ATP13A3: variants seen among roughly 807,000 people sequenced by gnomAD.
The protein encoded by ATP13A3 is polyamine-transporting ATPase 13A3.
In ATP13A3, 59 loss-of-function variants were observed where a neutral mutation model predicts 158.1. The ratio of observed to expected loss-of-function variants is 0.37; its 90% confidence interval spans 0.30 to 0.46. The LOEUF is 0.46. Ranked by LOEUF, ATP13A3 falls within the 20% of genes least tolerant of loss-of-function variation. The pLI is 1.00. For synonymous variants in ATP13A3, 491 were observed against 504.3 expected (o/e 0.97, Z 0.35); for missense variants, 1,166 against 1,525.2 (o/e 0.76, Z 3.92).
chr3:194,482,981 C>T (rs1466321011), intron 2 of ATP13A3, among the ~76,000 whole-genome samples: 1 of 151,784 alleles, frequency 6.6e-6, no homozygotes, highest in Non-Finnish European at 1.5e-5. Context: ...GTGGTGGGCA[C>T]CTGTAATCCC....
At chr3:194,429,903 G>A (rs1395296731) in intron 26 of ATP13A3, 129 bp from the exon 27 acceptor site, 4 of 1,000,330 alleles carry the variant, frequency 4.0e-6, no homozygotes, top group Non-Finnish European at 6.0e-6. Flanking sequence ...TCCACCAAAA[G>A]AACTAAACCA....
intron 7 of ATP13A3, among the ~76,000 whole-genome samples, chr3:194,456,426 T>G (rs1022550602): frequency 6.6e-6 from 1 of 152,104 alleles, no homozygotes; most frequent in Non-Finnish European, 1.5e-5. Context: ...TTCCACTTAA[T>G]TCCTTATGTT....
chr3:194,465,827 C>CAA (rs199857072), intron 2 of ATP13A3, among the ~76,000 whole-genome samples: 2 of 150,286 alleles, frequency 1.3e-5, no homozygotes, highest in African/African-American at 5.0e-5. Context: ...CACACACACA[C>CAA]AAAAATTAGC....
chr3:194,433,329 C>T (rs910482260), intron 21 of ATP13A3, among the ~76,000 whole-genome samples: 11 of 150,450 alleles, frequency 7.3e-5, no homozygotes, highest in African/African-American at 2.0e-4. Context: ...CTGCAAGCTC[C>T]GCTTCCCGGG....
chr3:194,418,748 A>G (rs1375959990), intron 31 of ATP13A3, among the ~76,000 whole-genome samples: 1 of 152,244 alleles, frequency 6.6e-6, no homozygotes, highest in Non-Finnish European at 1.5e-5. Flanking sequence ...TGAAGAGTAC[A>G]TGCTCATCAT....
intron 13 of ATP13A3, 85 bp from the exon 14 acceptor site, chr3:194,447,200 G>T: frequency 8.6e-7 from 1 of 1,161,856 alleles, no homozygotes; most frequent in Non-Finnish European, 1.2e-6. Context: ...AAATCTGTAA[G>T]CCATTTTCAA....
In ATP13A3 at chr3:194,421,882, G is replaced by A. The variant is rs540585495; in HGVS notation, c.3314-1915C>T. ...TATTGCATGTTTTTCAAATCTGATT[G>A]CATTTTTCAAACCACAGCAAAAACA... On this transcript the variant is annotated intron_variant, in intron 30 of 33. Transcript: ENST00000645319. Among the ~76,000 whole-genome samples, 5 of 140,694 alleles carry A rather than the reference G, an allele frequency of 3.6e-5. No individual in the cohort carries two copies. In the East Asian group the frequency reaches 6.2e-4, roughly 18 times the overall value. 92.3% of individuals were successfully genotyped at this position (140,694 alleles called of 152,430 possible).
intron 8 of ATP13A3, 131 bp from the exon 9 acceptor site, chr3:194,454,523 T>G: frequency 9.5e-7 from 1 of 1,048,018 alleles, no homozygotes; most frequent in East Asian, 2.6e-5. Flanking sequence ...TACGGCAAAA[T>G]GTACTTCCCT....
intron 2 of ATP13A3, among the ~76,000 whole-genome samples, chr3:194,471,250 T>C (rs1396048453): frequency 6.6e-6 from 1 of 151,140 alleles, no homozygotes; most frequent in Admixed American, 6.6e-5. Context: ...TTAGATTTAT[T>C]TCTATCTCCT....
chr3:194,478,010 C>T (rs574910134), intron 2 of ATP13A3, among the ~76,000 whole-genome samples: 2 of 152,278 alleles, frequency 1.3e-5, no homozygotes, highest in African/African-American at 4.8e-5. Flanking sequence ...TTCACTCTAG[C>T]CAAGCAGTTC....
At chr3:194,467,769 A>G (rs1720082734) in intron 2 of ATP13A3, 2 of 152,170 alleles carry the variant, frequency 1.3e-5, no homozygotes, top group African/African-American at 4.8e-5. Flanking sequence ...AACCACATAA[A>G]CATATTTAAA....
chr3:194,448,723 A>T lies in ATP13A3; in HGVS notation c.971-87T>A. The T allele has an allele frequency of 8.0e-7, 1 of 1,242,320 alleles. No individual in the cohort carries two copies. The allele number at this position is 1,242,320 out of a possible 1,614,324, so 77.0% of individuals were successfully genotyped here. A position where few individuals can be genotyped will look rare whatever the true frequency, so the allele number is the denominator to read the frequency against. On this transcript the variant is annotated intron_variant, in intron 11 of 33. Transcript: ENST00000645319. This position sits in a 1 kb window ranked among gnomAD's most constrained non-coding sequence, Gnocchi z 4.0. ...TCAGTATCGAACACCAAAAAATATT[A>T]AATTGTTAAATATTTTAAATGCTAC...
Position 194,448,611 on chromosome 3 carries a change from A to T in ATP13A3, c.996T>A (p.Thr332=). The stretch of plus-strand genomic sequence containing the variant: ...CATCCACTGAAGGATTTGGCAAATT[A>T]GTCTTTGTCACTGGAACACTTTCTC... ...LTGESVPVTK[T]NLPNPSVDVK... The change falls in exon 12 of 34, where the codon ACT becomes ACA. Residue 332 remains threonine (T), a synonymous_variant. Coordinates refer to ENST00000645319, the MANE Select transcript of ATP13A3 (RefSeq NM_001367549.1). This position sits in a 1 kb window ranked among gnomAD's most constrained non-coding sequence, Gnocchi z 4.0. 2 of 1,612,704 alleles carry T rather than the reference A, an allele frequency of 1.2e-6. No homozygotes were observed. The highest frequency in any genetic ancestry group is 1.7e-6 in the Non-Finnish European group (2 of 1,179,552).
At chr3:194,410,059 C>T (rs1287802459) in intron 33 of ATP13A3, among the ~76,000 whole-genome samples, 5 of 151,692 alleles carry the variant, frequency 3.3e-5, no homozygotes, top group African/African-American at 1.2e-4. Flanking sequence ...TGATGATTCT[C>T]AGAATCAGTT....
At chr3:194,485,216 G>A (rs1720919437) in intron 2 of ATP13A3, among the ~76,000 whole-genome samples, 1 of 152,102 alleles carries the variant, frequency 6.6e-6, no homozygotes, top group Non-Finnish European at 1.5e-5. Context: ...AAAGATACCA[G>A]CAAAAGTTAT....
At chr3:194,443,285 G>C (rs1170745333) in intron 15 of ATP13A3, among the ~76,000 whole-genome samples, 1 of 152,092 alleles carries the variant, frequency 6.6e-6, no homozygotes, top group African/African-American at 2.4e-5. Flanking sequence ...GTGGTTAAAA[G>C]GCAGTATTAA....
chr3:194,429,646 G>C (rs1438809534), intron 27 of ATP13A3, 32 bp downstream of exon 27: 23 of 1,498,578 alleles, frequency 1.5e-5, no homozygotes, highest in Non-Finnish European at 2.0e-5. Context: ...TGCACATTAA[G>C]TGTTATCTCT....
intron 8 of ATP13A3, among the ~76,000 whole-genome samples, chr3:194,455,423 G>A (rs986937170): frequency 2.0e-5 from 3 of 152,116 alleles, no homozygotes; most frequent in Admixed American, 6.5e-5. Flanking sequence ...CAAGTTTATA[G>A]GTAAAGGAGC....
intron 31 of ATP13A3, among the ~76,000 whole-genome samples, chr3:194,416,915 G>A (rs902846371): frequency 2.0e-5 from 3 of 151,790 alleles, no homozygotes; most frequent in African/African-American, 7.3e-5. Flanking sequence ...ATTTATCAAG[G>A]GATCAAAAAC....
Sources: allele counts gnomAD v4.1 joint callset (sites outside exome capture counted in the v4.1 genomes callset), GRCh38; gene constraint gnomAD v4.1.1; non-coding constraint Gnocchi (gnomAD v3.1); transcripts MANE v1.5; gene names NCBI Gene and HGNC (gene_info 2026-07-23, HGNC 2026-07-21).